The following NUP210 variants were observed in gnomAD, a reference collection of about 807,000 sequenced individuals.
The protein encoded by NUP210 is nucleoporin 210.
A neutral mutation model predicts 196.0 loss-of-function variants in NUP210; 151 were observed. That is an observed-to-expected ratio of 0.77 (90% CI 0.67 to 0.88). NUP210 has a LOEUF of 0.88. Ranked by LOEUF, NUP210 falls within the 40% of genes least tolerant of loss-of-function variation. The pLI is 0.00. For missense variants in NUP210, 2,314 were observed against 2,493.7 expected (o/e 0.93, Z 1.53); for synonymous variants, 1,070 against 1,052.7 (o/e 1.02, Z -0.32).
chr3:13,388,355 A>C lies in NUP210; in HGVS notation c.632T>G (p.Met211Arg). The C allele has an allele frequency of 1.2e-6, 2 of 1,613,160 alleles. No individual in the cohort carries two copies. Among genetic ancestry groups the C allele is most frequent in the South Asian group, 2.2e-5 (2 of 90,968 alleles). Residue 211 changes from methionine (M) to arginine (R), a missense_variant, in exon 5 of 40, where the codon ATG becomes AGG. By Grantham distance (91) the Met-to-Arg change is moderately conservative. Coordinates refer to ENST00000254508, the MANE Select transcript of NUP210 (RefSeq NM_024923.4). ...KQGDTILVSGMKTGSSKLKAR... is the reference protein window; with the variant it reads ...KQGDTILVSGRKTGSSKLKAR... The stretch of plus-strand genomic sequence containing the variant: ...CTTGAGCTTGGAGCTCCCGGTCTTC[A>C]TCCCAGACACCAGGATGGTGTCCCC...
At chr3:13,357,500 A>AGAGGACATGCTCCAT (rs1698220311) in intron 16 of NUP210, among the ~76,000 whole-genome samples, 1 of 152,204 alleles carries the variant, frequency 6.6e-6, no homozygotes, top group African/African-American at 2.4e-5. Flanking sequence ...TATCTGACAC[A>AGAGGACATGCTCCAT]GAGGACATGC....
chr3:13,420,155 A>G lies in NUP210; in HGVS notation c.72T>C (p.Ala24=). The G allele has an allele frequency of 7.7e-7, 1 of 1,300,062 alleles. No individual in the cohort carries two copies. The highest frequency in any genetic ancestry group is 2.0e-5 in the South Asian group (1 of 50,980). The allele number at this position is 1,300,062 out of a possible 1,614,324, so 80.5% of individuals were successfully genotyped here. ...CTTTGGGGATGTTGAGCTTGGCCGCAGCGGCGGAGGGGCCCGCCGCCAACA... is the reference window on the plus strand; with the variant it reads ...CTTTGGGGATGTTGAGCTTGGCCGCGGCGGCGGAGGGGCCCGCCGCCAACA... ...SVLLAAGPSA[A]AAKLNIPKVL... The change falls in exon 1 of 40, where the codon GCT becomes GCC. Residue 24 remains alanine, a synonymous_variant. Coordinates refer to ENST00000254508, the MANE Select transcript of NUP210 (RefSeq NM_024923.4). The surrounding 1 kb of genome is among the most constrained non-coding windows in gnomAD (Gnocchi z 4.8).
rs752203963 is a variant in NUP210 at position 13,358,252 on chromosome 3, G to A, written c.2298C>T (p.Ser766=). The change falls in exon 16 of 40, where the codon TCC becomes TCT. Residue 766 remains serine (S), a synonymous_variant. Transcript: ENST00000254508. The part of the protein sequence containing the change: ...PVYTSPQLDM[S]CPLLQQNKQV... Reference sequence around the variant, plus strand: ...GCTTGTTCTGCTGCAGCAGCGGACAGGACATGTCCAGCTGGGGGCTGGTGT... The same window carrying A: ...GCTTGTTCTGCTGCAGCAGCGGACAAGACATGTCCAGCTGGGGGCTGGTGT... 8 of 1,612,926 alleles carry A rather than the reference G, an allele frequency of 5.0e-6. 2 individuals carry two copies. In the South Asian group the frequency reaches 8.8e-5, roughly 18 times the overall value.
chr3:13,336,684 G>A, intron 27 of NUP210, 103 bp downstream of exon 27: 1 of 1,307,880 alleles, frequency 7.6e-7, no homozygotes, highest in Non-Finnish European at 1.0e-6. Flanking sequence ...GTGTGAGGGT[G>A]GGGACTTCCT....
rs1576335209 is a variant in NUP210 at position 13,319,098 on chromosome 3, C to T, written c.5537G>A (p.Arg1846Gln). The change falls in exon 39 of 40, where the codon CGA (arginine) becomes CAA (glutamine). Residue 1846 changes from arginine to glutamine, a missense_variant. Physicochemically the swap from Arg to Gln is conservative, Grantham distance 43. Coordinates refer to ENST00000254508, the MANE Select transcript of NUP210 (RefSeq NM_024923.4). ...GTGGGGGCTGTGTCCAGGGCTGGCT[C>T]GAGGCGTGAGGGCTGCAGGCACAGC... ...DLAVPAALTP[R>Q]ASPGHSPHYF... 9 of 1,607,328 alleles carry T rather than the reference C, an allele frequency of 5.6e-6. No individual in the cohort carries two copies. Among genetic ancestry groups the T allele is most frequent in the East Asian group, 2.2e-5 (1 of 44,688 alleles).
At chr3:13,361,495 T>G (rs1337887215) in intron 14 of NUP210, among the ~76,000 whole-genome samples, 1 of 152,054 alleles carries the variant, frequency 6.6e-6, no homozygotes, top group Admixed American at 6.5e-5. Context: ...ACGTGGAGAC[T>G]CCACAGGAGG....
At chr3:13,371,760 C>T (rs1417532076) in intron 13 of NUP210, 74 bp downstream of exon 13, 16 of 1,362,154 alleles carry the variant, frequency 1.2e-5, no homozygotes, top group Middle Eastern at 1.8e-4. Context: ...GGGAATCTGG[C>T]GGTCCATGCT....
chr3:13,367,466 G>A (rs1280310064), intron 13 of NUP210, among the ~76,000 whole-genome samples: 1 of 152,092 alleles, frequency 6.6e-6, no homozygotes, highest in Non-Finnish European at 1.5e-5. Context: ...TAATTCACAT[G>A]AGTATATAAT....
At chr3:13,370,683 T>C (rs1698701313) in intron 13 of NUP210, among the ~76,000 whole-genome samples, 1 of 152,252 alleles carries the variant, frequency 6.6e-6, no homozygotes, top group South Asian at 2.1e-4. Context: ...ATGAGCTTAG[T>C]TTCTCCTGGA....
chr3:13,373,787 G>C lies in NUP210; in HGVS notation c.1518C>G (p.Gly506=). 1.2e-6 allele frequency: 2 copies of C among 1,614,118 alleles called. No individual in the cohort carries two copies. Among genetic ancestry groups the C allele is most frequent in the Non-Finnish European group, 1.7e-6 (2 of 1,179,992 alleles). The part of the protein sequence containing the change: ...TVTVKGVMTT[G]SDIGFSVIQA... ...GGATCACACTGAACCCGATGTCACT[G>C]CCTGTGGTCATCACGCCCTTGACAG... The change falls in exon 12 of 40, where the codon GGC becomes GGG. Residue 506 remains glycine (G), a synonymous_variant. Coordinates refer to ENST00000254508, the MANE Select transcript of NUP210 (RefSeq NM_024923.4).
intron 20 of NUP210, chr3:13,344,931 G>C (rs956007628): frequency 1.0e-6 from 1 of 985,244 alleles, no homozygotes; most frequent in Non-Finnish European, 1.2e-6. Flanking sequence ...CTGCATCCAC[G>C]TCAGCTCCTC....
chr3:13,400,289 C>T (rs1251225890), intron 1 of NUP210, among the ~76,000 whole-genome samples: 1 of 152,106 alleles, frequency 6.6e-6, no homozygotes, highest in Admixed American at 6.5e-5. Flanking sequence ...AGGCCTGGCG[C>T]ACAGCAGGCT....
intron 14 of NUP210, among the ~76,000 whole-genome samples, chr3:13,360,816 C>T (rs542837468): frequency 2.6e-5 from 4 of 152,294 alleles, no homozygotes; most frequent in East Asian, 3.9e-4. Flanking sequence ...CCATCTGGAA[C>T]CTAACCTAAC....
chr3:13,401,573 G>C (rs1699842071), intron 1 of NUP210, among the ~76,000 whole-genome samples: 1 of 152,182 alleles, frequency 6.6e-6, no homozygotes, highest in Admixed American at 6.5e-5. Flanking sequence ...CAGAGTCGAG[G>C]AACACAGCAA....
At chr3:13,327,993 G>A (rs751868679) in intron 31 of NUP210, among the ~76,000 whole-genome samples, 11 of 152,352 alleles carry the variant, frequency 7.2e-5, no homozygotes, top group Middle Eastern at 3.4e-3. Context: ...AGTGTGGACT[G>A]CGTGGGGTGA....
chr3:13,322,229 C>T lies in NUP210; in HGVS notation c.4879G>A (p.Val1627Met), dbSNP rs1696568077. 6.2e-7 allele frequency: 1 copy of T among 1,614,244 alleles called. No homozygotes were observed. Among genetic ancestry groups the T allele is most frequent in the South Asian group, 1.1e-5 (1 of 91,084 alleles). The change falls in exon 35 of 40, where the codon GTG becomes ATG. Residue 1627 changes from valine (V) to methionine (M), a missense_variant. Coordinates refer to ENST00000254508, the MANE Select transcript of NUP210 (RefSeq NM_024923.4). ...PAVFDFPSQD[V>M]FTVEPQFDTA... ...TCAAACTGTGGCTCCACGGTGAACA[C>T]ATCTTGAGATGGGAAATCAAAGACG...
chr3:13,411,143 G>A (rs1489770143), intron 1 of NUP210, among the ~76,000 whole-genome samples: 1 of 151,892 alleles, frequency 6.6e-6, no homozygotes, highest in Non-Finnish European at 1.5e-5. Context: ...GAGGAGGGAG[G>A]ATCACTTGAG....
chr3:13,397,623 C>T (rs1264977348), intron 2 of NUP210, 135 bp from the exon 3 acceptor site: 3 of 877,784 alleles, frequency 3.4e-6, no homozygotes, highest in African/African-American at 3.6e-5. Flanking sequence ...AAGCAGCTGC[C>T]TCACACATGG....
At chr3:13,412,273 G>A (rs1700203106) in intron 1 of NUP210, among the ~76,000 whole-genome samples, 2 of 126,136 alleles carry the variant, frequency 1.6e-5, no homozygotes, top group African/African-American at 3.3e-5. Context: ...TCGCTATGTT[G>A]CCCAGGCTGG....
Sources: allele counts gnomAD v4.1 joint callset (sites outside exome capture counted in the v4.1 genomes callset), GRCh38; gene constraint gnomAD v4.1.1; non-coding constraint Gnocchi (gnomAD v3.1); transcripts MANE v1.5; gene names NCBI Gene and HGNC (gene_info 2026-07-23, HGNC 2026-07-21).